The following MALRD1 variants were observed in gnomAD, a reference collection of about 807,000 sequenced individuals.
MALRD1 encodes MAM and LDL-receptor class A domain-containing protein 1.
A neutral mutation model predicts 242.1 loss-of-function variants in MALRD1; 247 were observed. That is an observed-to-expected ratio of 1.02 (90% CI 0.92 to 1.13). The LOEUF (loss-of-function observed/expected upper bound fraction) is 1.13, where lower values mean the gene tolerates loss of function less well. Among genes scored for constraint, MALRD1 ranks in the 50% most tolerant of loss-of-function variants. The pLI, the probability that MALRD1 is intolerant of heterozygous loss-of-function variation, is 0.00. For synonymous variants in MALRD1, 995 were observed against 866.6 expected (o/e 1.15, Z -2.60); for missense variants, 2,989 against 2,533.1 (o/e 1.18, Z -3.86).
At chr10:19,475,689 T>G (rs764569872) in intron 29 of MALRD1, among the ~76,000 whole-genome samples, 2 of 152,184 alleles carry the variant, frequency 1.3e-5, no homozygotes, top group African/African-American at 4.8e-5. Context: ...CTTGTTTGTA[T>G]TCATTTTATG....
At chr10:19,402,481 A>C (rs1333303130) in intron 28 of MALRD1, among the ~76,000 whole-genome samples, 3 of 151,930 alleles carry the variant, frequency 2.0e-5, no homozygotes, top group African/African-American at 7.3e-5. Flanking sequence ...ACCATGTAAA[A>C]CATGACTTTG....
chr10:19,200,974 A>C (rs1383505335), intron 14 of MALRD1, among the ~76,000 whole-genome samples: 2 of 152,112 alleles, frequency 1.3e-5, no homozygotes, highest in Non-Finnish European at 2.9e-5. Flanking sequence ...CCTAGCACAA[A>C]GCTTGCTATA....
chr10:19,534,557 A>T (rs1834566804), intron 32 of MALRD1, among the ~76,000 whole-genome samples: 1 of 152,158 alleles, frequency 6.6e-6, no homozygotes, highest in Admixed American at 6.5e-5. Context: ...CAATTAATAT[A>T]ATCTGAACTT....
At chr10:19,470,980 T>G (rs1222004416) in intron 29 of MALRD1, among the ~76,000 whole-genome samples, 1 of 151,878 alleles carries the variant, frequency 6.6e-6, no homozygotes, top group East Asian at 1.9e-4. Context: ...TTTGTTGCCT[T>G]ACGTTAGGGG....
chr10:19,301,010 C>T (rs898770832), intron 21 of MALRD1, among the ~76,000 whole-genome samples: 7 of 151,614 alleles, frequency 4.6e-5, no homozygotes, highest in Admixed American at 2.6e-4. Flanking sequence ...AGAAATCAAT[C>T]AAACACACAA....
chr10:19,646,572 T>C (rs1476263896), intron 36 of MALRD1, among the ~76,000 whole-genome samples: 1 of 151,778 alleles, frequency 6.6e-6, no homozygotes, highest in Non-Finnish European at 1.5e-5. Context: ...ACCACTGCAC[T>C]CCAGTCTGGG....
intron 24 of MALRD1, among the ~76,000 whole-genome samples, chr10:19,338,808 T>A (rs1473588434): frequency 1.3e-5 from 2 of 151,556 alleles, no homozygotes; most frequent in African/African-American, 2.4e-5. Flanking sequence ...TTGATTATAG[T>A]CACCCTGATG....
rs534362555 is a variant in MALRD1, at chr10:19,233,192, T to C, written c.2991+23512T>C. On this transcript the variant is annotated intron_variant, in intron 18 of 39. Coordinates refer to ENST00000454679, the MANE Select transcript of MALRD1 (RefSeq NM_001142308.3). Reference sequence around the variant, plus strand: ...TGGGCTTTCCATCCCCTCAAGCATTTATCCTCTGAGTTAAAAACTATTCAA... The same window carrying C: ...TGGGCTTTCCATCCCCTCAAGCATTCATCCTCTGAGTTAAAAACTATTCAA... Among the ~76,000 whole-genome samples the C allele has an allele frequency of 2.6e-4, 39 of 152,254 alleles. No individual in the cohort carries two copies. The South Asian group carries it at 7.7e-3, about 30-fold the overall frequency.
chr10:19,622,581 A>G (rs1839453342), intron 36 of MALRD1, among the ~76,000 whole-genome samples: 1 of 151,412 alleles, frequency 6.6e-6, no homozygotes, highest in Admixed American at 6.6e-5. Flanking sequence ...AGGTTTTCAT[A>G]GGGGTAAACA....
intron 33 of MALRD1, among the ~76,000 whole-genome samples, chr10:19,570,439 C>T (rs980167673): frequency 2.6e-5 from 4 of 151,962 alleles, no homozygotes; most frequent in Non-Finnish European, 5.9e-5. Flanking sequence ...CTCAAATCTA[C>T]TATAGAGGGG....
chr10:19,170,093 T>C (rs541453209), intron 13 of MALRD1, among the ~76,000 whole-genome samples: 3 of 152,338 alleles, frequency 2.0e-5, no homozygotes, highest in East Asian at 3.9e-4. Context: ...GCATTTGCTC[T>C]TCCTGCTGGC....
intron 14 of MALRD1, among the ~76,000 whole-genome samples, chr10:19,184,543 G>GTTGTT (rs111780478): frequency 4.0e-5 from 6 of 151,544 alleles, no homozygotes; most frequent in East Asian, 1.9e-4. Context: ...TGTAGTTGTT[G>GTTGTT]TTGTTTTGTT....
chr10:19,186,966 G>C (rs144215791), intron 14 of MALRD1, among the ~76,000 whole-genome samples: 7 of 152,230 alleles, frequency 4.6e-5, no homozygotes, highest in Non-Finnish European at 8.8e-5. Context: ...TCCCTGCCTT[G>C]CAGAAACACA....
At chr10:19,204,725 T>C (rs2131616891) in intron 16 of MALRD1, among the ~76,000 whole-genome samples, 173 bp from the exon 17 acceptor site, 1 of 152,300 alleles carries the variant, frequency 6.6e-6, no homozygotes. Flanking sequence ...CCACAGAGTG[T>C]GTGCCTCAGT....
At chr10:19,291,963 G>A (rs533176687) in intron 21 of MALRD1, among the ~76,000 whole-genome samples, 6 of 150,940 alleles carry the variant, frequency 4.0e-5, no homozygotes, top group African/African-American at 1.5e-4. Flanking sequence ...GTGCGTGCCT[G>A]TAATCCCAGT....
chr10:19,136,111 T>G (rs2131412096), intron 9 of MALRD1, among the ~76,000 whole-genome samples: 1 of 152,334 alleles, frequency 6.6e-6, no homozygotes, highest in South Asian at 2.1e-4. Flanking sequence ...ATTCAAATAC[T>G]AATTTCACTA....
At chr10:19,147,671 G>T (rs914891711) in intron 11 of MALRD1, among the ~76,000 whole-genome samples, 5 of 152,192 alleles carry the variant, frequency 3.3e-5, no homozygotes, top group Non-Finnish European at 7.3e-5. Context: ...TCTCAGTCTG[G>T]TAGCTTAAGT....
At chr10:19,715,555 G>A (rs1283353318) in intron 38 of MALRD1, among the ~76,000 whole-genome samples, 1 of 152,100 alleles carries the variant, frequency 6.6e-6, no homozygotes, top group East Asian at 1.9e-4. Context: ...TGTTAGCCAA[G>A]TAAATAAGTA....
chr10:19,669,152 A>G lies in MALRD1; in HGVS notation c.6138-23130A>G, dbSNP rs879159466. 2.0e-5 allele frequency among the ~76,000 whole-genome samples: 3 copies of G among 152,234 alleles called. No homozygotes were observed. The East Asian group carries it at 5.8e-4, about 29-fold the overall frequency. The stretch of plus-strand genomic sequence containing the variant: ...CTTCTTAGAAACTGGAAGATGATAG[A>G]GTTATCTAGAAGCTGGAAGATAATG... On this transcript the variant is annotated intron_variant, in intron 36 of 39. Transcript: ENST00000454679.
Sources: allele counts gnomAD v4.1 joint callset (sites outside exome capture counted in the v4.1 genomes callset), GRCh38; gene constraint gnomAD v4.1.1; transcripts MANE v1.5; gene names NCBI Gene and HGNC (gene_info 2026-07-23, HGNC 2026-07-21).